The following EED variants were observed in gnomAD, a reference collection of about 807,000 sequenced individuals.
EED encodes embryonic ectoderm development, also known as polycomb protein EED.
A neutral mutation model predicts 61.0 loss-of-function variants in EED; 9 were observed. The ratio of observed to expected loss-of-function variants is 0.15; its 90% CI spans 0.09 to 0.26. The LOEUF is 0.26. EED is among the 10% of genes least tolerant of loss of function. The pLI is 1.00. For missense variants in EED, 315 were observed against 542.3 expected (o/e 0.58, Z 4.16); for synonymous variants, 187 against 174.4 (o/e 1.07, Z -0.57).
the EED span, among the ~76,000 whole-genome samples, chr11:86,285,207 C>T: frequency 6.6e-6 from 1 of 152,104 alleles, no homozygotes. Context: ...ACTGCTTGAG[C>T]CCAGGAGTTT....
At chr11:86,245,425 G>T in intron 1 of EED, 82 bp downstream of exon 1, 1 of 1,183,708 alleles carries the variant, frequency 8.4e-7, no homozygotes, top group South Asian at 1.3e-5. Context: ...GGGACGAGCG[G>T]GCTGCTGTGG....
chr11:86,258,518 T>C (rs1421450099), intron 6 of EED, among the ~76,000 whole-genome samples: 1 of 151,678 alleles, frequency 6.6e-6, no homozygotes, highest in Non-Finnish European at 1.5e-5. Context: ...TTGTTCTAAA[T>C]ATTACAACTT....
In EED at chr11:86,256,517, GT is replaced by G; in HGVS notation, c.552+10del. 6.5e-7 allele frequency: 1 copy of G among 1,546,546 alleles called. No homozygotes were observed. Among genetic ancestry groups the G allele is most frequent in the Non-Finnish European group, 8.8e-7 (1 of 1,141,252 alleles). On this transcript the variant is annotated splice_donor_region_variant and intron_variant, in intron 5 of 11. Coordinates refer to ENST00000263360, the MANE Select transcript of EED (RefSeq NM_003797.5). ...ATAACAATGCAGTGTATAAAGGTGGGTTTTTCTGGTTAAATTGTAGATCTGC... is the reference window on the plus strand; with the variant it reads ...ATAACAATGCAGTGTATAAAGGTGGGTTTTCTGGTTAAATTGTAGATCTGC...
chr11:86,272,536 ATTC>A (rs1946142191), intron 9 of EED, among the ~76,000 whole-genome samples: 1 of 152,176 alleles, frequency 6.6e-6, no homozygotes, highest in African/African-American at 2.4e-5. Flanking sequence ...ATGATGTCGA[ATTC>A]TTCTATATCC....
intron 1 of EED, among the ~76,000 whole-genome samples, chr11:86,248,322 G>C (rs991435): frequency 0.38 from 57,185 of 152,106 alleles, 11,104 homozygotes; most frequent in East Asian, 0.48. Flanking sequence ...TAAATTAAGT[G>C]ATCAGAAGTA....
intron 9 of EED, chr11:86,270,184 TG>T: frequency 1.4e-6 from 1 of 699,490 alleles, no homozygotes; most frequent in Non-Finnish European, 2.6e-6. Flanking sequence ...TTATTTTAGC[TG>T]TTCTGATAGG....
At chr11:86,257,653 C>A in intron 6 of EED, 57 bp downstream of exon 6, 2 of 1,411,074 alleles carry the variant, frequency 1.4e-6, no homozygotes, top group South Asian at 1.3e-5. Context: ...AAGATGGAGT[C>A]ACTAATGTCA....
rs1465041063 is a variant in EED, at chr11:86,250,436, A to G, written c.255A>G (p.Val85=). Residue 85 remains valine (V), a synonymous_variant, in exon 2 of 12, where the codon GTA becomes GTG. Transcript: ENST00000263360. ...SKKCKYSFKC[V]NSLKEDHNQP... ...AATGCAAATATTCTTTCAAATGTGT[A>G]AATAGTCTCAAGGTATGTGCAAAAA... 6.2e-7 allele frequency: 1 copy of G among 1,602,402 alleles called. No individual in the cohort carries two copies. Among genetic ancestry groups the G allele is most frequent in the Non-Finnish European group, 8.5e-7 (1 of 1,174,856 alleles).
chr11:86,284,962 TTAGC>T, the EED span, among the ~76,000 whole-genome samples: 2,046 of 152,028 alleles, frequency 0.013, 64 homozygotes, highest in African/African-American at 0.047. Flanking sequence ...AATACAAAAG[TTAGC>T]TAGGCATGAT....
intron 11 of EED, 73 bp downstream of exon 11, chr11:86,278,064 C>T: frequency 7.1e-7 from 1 of 1,404,092 alleles, no homozygotes. Flanking sequence ...TAGAGAAGAT[C>T]ATTTATATTT....
At chr11:86,277,325 T>A in intron 10 of EED, 187 bp downstream of exon 10, 1 of 482,704 alleles carries the variant, frequency 2.1e-6, no homozygotes, top group Non-Finnish European at 3.5e-6. Context: ...TTTGTGGCTC[T>A]GCATATGATC....
At chr11:86,282,148 CTA>C (rs1336689239), downstream of EED, among the ~76,000 whole-genome samples, 1 of 152,160 alleles carries the variant, frequency 6.6e-6, no homozygotes, top group Non-Finnish European at 1.5e-5. Flanking sequence ...AAAATTTACT[CTA>C]TATTTCCAAG....
rs71040225 is a variant in EED, at chr11:86,268,594, C to CGTGTGT, written c.966+60_966+65dup. ...AACTGCAGTTAAGCTGTACTTCCATCGTGTGTGTGTGTGTGTGTGTGTGTG... is the reference window on the plus strand; with the variant it reads ...AACTGCAGTTAAGCTGTACTTCCATCGTGTGTGTGTGTGTGTGTGTGTGTGTGTGTG... On this transcript the variant is annotated intron_variant, in intron 9 of 11. Transcript: ENST00000263360. The CGTGTGT allele has an allele frequency of 0.054, 44,160 of 813,196 alleles. 475 individuals carry two copies. The highest frequency in any genetic ancestry group is 0.075 in the African/African-American group (4,001 of 53,642). 50.4% of individuals were successfully genotyped at this position (813,196 alleles called of 1,614,324 possible).
At chr11:86,252,364 T>C (rs955259916) in intron 3 of EED, 124 bp downstream of exon 3, 1 of 611,532 alleles carries the variant, frequency 1.6e-6, no homozygotes, top group East Asian at 2.8e-5. Flanking sequence ...GATTCTTTCA[T>C]GTAAGAGTGA....
At chr11:86,255,818 G>A (rs1004342019) in intron 4 of EED, among the ~76,000 whole-genome samples, 1 of 151,936 alleles carries the variant, frequency 6.6e-6, no homozygotes, top group Non-Finnish European at 1.5e-5. Context: ...AATTTGAAAA[G>A]CCCGAGTTAG....
chr11:86,279,243 G>A (rs1946295676), downstream of EED, among the ~76,000 whole-genome samples: 1 of 152,010 alleles, frequency 6.6e-6, no homozygotes, highest in African/African-American at 2.4e-5. Context: ...CATTAGATTT[G>A]GAACTAGGCC....
chr11:86,258,346 C>T (rs941450625), intron 6 of EED, among the ~76,000 whole-genome samples: 3 of 151,952 alleles, frequency 2.0e-5, no homozygotes, highest in Non-Finnish European at 2.9e-5. Flanking sequence ...AAAAATGCTA[C>T]GTTTTTCAGG....
chr11:86,248,593 A>G (rs1945447152), intron 1 of EED, among the ~76,000 whole-genome samples: 1 of 152,238 alleles, frequency 6.6e-6, no homozygotes, highest in South Asian at 2.1e-4. Flanking sequence ...TTATTAATAT[A>G]TGGAGTAAAG....
chr11:86,275,662 T>C (rs1565705382), intron 9 of EED, among the ~76,000 whole-genome samples: 1 of 152,214 alleles, frequency 6.6e-6, no homozygotes, highest in African/African-American at 2.4e-5. Flanking sequence ...TTTACAGTTC[T>C]TCTGCTTTGG....
Sources: gnomAD v4.1 joint callset for allele counts (sites outside exome capture counted in the v4.1 genomes callset) on GRCh38, gnomAD v4.1.1 for gene constraint, MANE v1.5 for transcripts, NCBI Gene and HGNC (gene_info 2026-07-23, HGNC 2026-07-21) for gene names.